Variants in SLC24A2 observed in about 807,000 individuals in gnomAD.
The protein encoded by SLC24A2 is solute carrier family 24 member 2.
Under a neutral mutation model 62.0 loss-of-function variants are expected in SLC24A2, and 36 were observed. That is an observed-to-expected ratio of 0.58 (90% confidence interval 0.44 to 0.77). The LOEUF (loss-of-function observed/expected upper bound fraction) is 0.77. Ranked by LOEUF, SLC24A2 falls within the 30% of genes least tolerant of loss-of-function variation. The pLI, the probability that SLC24A2 is intolerant of heterozygous loss-of-function variation, is 0.00. For missense variants in SLC24A2, 846 were observed against 817.9 expected (o/e 1.03, Z -0.42); for synonymous variants, 358 against 294.0 (o/e 1.22, Z -2.23).
At chr9:20,138,628 A>T in the SLC24A2 span, among the ~76,000 whole-genome samples, 6 of 152,328 alleles carry the variant, frequency 3.9e-5, no homozygotes, top group Non-Finnish European at 7.4e-5. Flanking sequence ...GGAGTAAGCG[A>T]TTCCTCCTCT....
At chr9:20,227,677 T>C in the SLC24A2 span, among the ~76,000 whole-genome samples, 2 of 151,890 alleles carry the variant, frequency 1.3e-5, no homozygotes, top group Non-Finnish European at 2.9e-5. Context: ...GGCCTTGGGG[T>C]ATTTCAGAAC....
At chr9:20,049,743 A>G in the SLC24A2 span, among the ~76,000 whole-genome samples, 1 of 152,318 alleles carries the variant, frequency 6.6e-6, no homozygotes, top group Non-Finnish European at 1.5e-5. Flanking sequence ...CAAAAGGTTT[A>G]GCAACATCAG....
intron 8 of SLC24A2, among the ~76,000 whole-genome samples, chr9:19,546,872 G>C (rs150952315): frequency 1.5e-4 from 23 of 152,214 alleles, no homozygotes; most frequent in African/African-American, 5.3e-4. Context: ...GAAAAGCACA[G>C]TGTCTGGGCC....
chr9:19,853,037 T>C, the SLC24A2 span, among the ~76,000 whole-genome samples: 1 of 152,178 alleles, frequency 6.6e-6, no homozygotes, highest in Admixed American at 6.5e-5. Context: ...TTCACTTCCC[T>C]TGTTAGATGT....
chr9:20,162,590 A>G, the SLC24A2 span, among the ~76,000 whole-genome samples: 1 of 152,092 alleles, frequency 6.6e-6, no homozygotes, highest in African/African-American at 2.4e-5. Context: ...AAACTATTCC[A>G]ATCAATAGAA....
the SLC24A2 span, among the ~76,000 whole-genome samples, chr9:20,144,317 C>T: frequency 6.6e-6 from 1 of 152,118 alleles, no homozygotes; most frequent in Non-Finnish European, 1.5e-5. Flanking sequence ...AAACAGAAAC[C>T]TTAAACACCC....
chr9:20,034,410 C>A, the SLC24A2 span, among the ~76,000 whole-genome samples: 1 of 146,258 alleles, frequency 6.8e-6, no homozygotes, highest in African/African-American at 2.5e-5. Context: ...GATTCAGCTG[C>A]TGGGGAAAAT....
intron 2 of SLC24A2, among the ~76,000 whole-genome samples, chr9:19,746,928 T>C (rs1346242791): frequency 1.3e-5 from 2 of 152,122 alleles, no homozygotes; most frequent in African/African-American, 4.8e-5. Flanking sequence ...AAATCAACAA[T>C]TTTATTTCAG....
At chr9:19,907,933 C>T in the SLC24A2 span, among the ~76,000 whole-genome samples, 65,489 of 151,802 alleles carry the variant, frequency 0.43, 14,818 homozygotes, top group Middle Eastern at 0.6. Flanking sequence ...AGATTCAATG[C>T]CATCCCCATC....
At chr9:20,060,814 G>T in the SLC24A2 span, among the ~76,000 whole-genome samples, 1 of 152,120 alleles carries the variant, frequency 6.6e-6, no homozygotes, top group Non-Finnish European at 1.5e-5. Context: ...ACACAATGTG[G>T]AGCTACTATA....
chr9:19,549,939 T>C (rs1834763129), intron 8 of SLC24A2, among the ~76,000 whole-genome samples, 198 bp downstream of exon 8: 1 of 152,250 alleles, frequency 6.6e-6, no homozygotes, highest in Non-Finnish European at 1.5e-5. Flanking sequence ...TGTATATTCT[T>C]AATGTCACTT....
the SLC24A2 span, among the ~76,000 whole-genome samples, chr9:20,019,253 G>GAGAAGGAA: frequency 9.1e-6 from 1 of 109,640 alleles, no homozygotes; most frequent in East Asian, 2.7e-4. Context: ...AAGAAGGAAA[G>GAGAAGGAA]AGAAAGAAAG....
At chr9:20,181,058 A>T in the SLC24A2 span, among the ~76,000 whole-genome samples, 2 of 152,142 alleles carry the variant, frequency 1.3e-5, no homozygotes, top group Non-Finnish European at 2.9e-5. Flanking sequence ...CTTCAGAGAC[A>T]GTCCATGCAG....
intron 5 of SLC24A2, among the ~76,000 whole-genome samples, chr9:19,581,518 C>A (rs758413831): frequency 1.3e-5 from 2 of 152,096 alleles, no homozygotes; most frequent in Non-Finnish European, 2.9e-5. Context: ...CTTGGAAGGT[C>A]CAATGGGTTA....
chr9:20,033,184 A>G, the SLC24A2 span, among the ~76,000 whole-genome samples: 2 of 152,294 alleles, frequency 1.3e-5, no homozygotes, highest in East Asian at 1.9e-4. Flanking sequence ...AAAATCCCTC[A>G]TACCTGGTGT....
At chr9:19,611,441 G>A (rs961057350) in intron 4 of SLC24A2, among the ~76,000 whole-genome samples, 8 of 150,886 alleles carry the variant, frequency 5.3e-5, no homozygotes, top group Admixed American at 5.3e-4. Flanking sequence ...GGAGGGGTGA[G>A]AGAAGAGAAG....
At chr9:19,525,129 G>C (rs1833374072) in intron 9 of SLC24A2, among the ~76,000 whole-genome samples, 1 of 152,156 alleles carries the variant, frequency 6.6e-6, no homozygotes, top group African/African-American at 2.4e-5. Flanking sequence ...CCAAGGCACA[G>C]AGAACTTGCT....
At chr9:19,934,547 C>T in the SLC24A2 span, among the ~76,000 whole-genome samples, 2 of 152,162 alleles carry the variant, frequency 1.3e-5, no homozygotes, top group Admixed American at 6.5e-5. The surrounding 1 kb of genome is among the most constrained non-coding windows in gnomAD (Gnocchi z 4.1). Flanking sequence ...GCGCCCATGG[C>T]GGGGCTCCGG....
chr9:20,061,859 T>C, the SLC24A2 span, among the ~76,000 whole-genome samples: 2 of 148,912 alleles, frequency 1.3e-5, no homozygotes. Context: ...AAATTAAGAG[T>C]GCTTCAGAAG....
Sources: gnomAD v4.1 joint callset for allele counts (sites outside exome capture counted in the v4.1 genomes callset) on GRCh38, gnomAD v4.1.1 for gene constraint, Gnocchi (gnomAD v3.1) non-coding constraint, MANE v1.5 for transcripts, NCBI Gene and HGNC (gene_info 2026-07-23, HGNC 2026-07-21) for gene names.